Variants in PFKFB3 observed in about 807,000 individuals in gnomAD.
PFKFB3 encodes 6-phosphofructo-2-kinase/fructose-2,6-bisphosphatase 3.
In PFKFB3, 33 loss-of-function variants were observed where a neutral mutation model predicts 68.0. That is an observed-to-expected ratio of 0.49 (90% CI 0.37 to 0.65). PFKFB3 has a LOEUF of 0.65. Ranked by LOEUF, PFKFB3 falls within the 30% of genes least tolerant of loss-of-function variation. The pLI is 0.00. For synonymous variants in PFKFB3, 315 were observed against 288.2 expected (o/e 1.09, Z -0.94); for missense variants, 586 against 712.2 (o/e 0.82, Z 2.02).
chr10:6,192,562 G>A (rs1717341702), intron 1 of PFKFB3, among the ~76,000 whole-genome samples: 1 of 152,072 alleles, frequency 6.6e-6, no homozygotes, highest in African/African-American at 2.4e-5. Flanking sequence ...ACCCGGGCAT[G>A]CTTCCCATAC....
At chr10:6,296,345 C>T in the PFKFB3 span, among the ~76,000 whole-genome samples, 2 of 151,930 alleles carry the variant, frequency 1.3e-5, no homozygotes, top group African/African-American at 4.8e-5. Context: ...ACTCTCAGAC[C>T]TAGTTTAGAG....
chr10:6,229,949 CCTG>C lies in PFKFB3; in HGVS notation c.1516-2942_1516-2940del, dbSNP rs1845628756. On this transcript the variant is annotated intron_variant, in intron 14 of 14. Transcript: ENST00000379775. This position sits in a 1 kb window ranked among gnomAD's most constrained non-coding sequence, Gnocchi z 4.3. The stretch of plus-strand genomic sequence containing the variant: ...ATGTTGGCCCACCCACCACCCACCT[CCTG>C]CTGTGTGGCCCGCCTCTCAGTGGGC... 1.3e-5 allele frequency among the ~76,000 whole-genome samples: 2 copies of C among 152,092 alleles called. No individual in the cohort carries two copies.
intron 1 of PFKFB3, among the ~76,000 whole-genome samples, chr10:6,192,018 TA>T (rs954700513): frequency 7.9e-5 from 6 of 76,220 alleles, no homozygotes; most frequent in Non-Finnish European, 1.7e-4. Context: ...CCTAGATGAG[TA>T]TTTTTTTTAA....
At chr10:6,155,503 C>T (rs1451576731) in intron 1 of PFKFB3, among the ~76,000 whole-genome samples, 2 of 152,144 alleles carry the variant, frequency 1.3e-5, no homozygotes, top group Admixed American at 6.5e-5. Flanking sequence ...CGCACCTGGC[C>T]GAGTTTTTTC....
At chr10:6,171,556 C>T (rs76971698) in intron 1 of PFKFB3, among the ~76,000 whole-genome samples, 1,653 of 152,094 alleles carry the variant, frequency 0.011, 70 homozygotes, top group East Asian at 0.1. Flanking sequence ...CTGCCACACT[C>T]GGCTAATTTT....
chr10:6,293,493 G>GC, the PFKFB3 span: 2 of 214,000 alleles, frequency 9.3e-6, no homozygotes, highest in South Asian at 1.4e-4. Flanking sequence ...TTATAGGTGT[G>GC]CACCACCATG....
At chr10:6,193,513 G>A (rs189317055) in intron 1 of PFKFB3, among the ~76,000 whole-genome samples, 108 of 152,324 alleles carry the variant, frequency 7.1e-4, no homozygotes, top group African/African-American at 1.9e-3. Context: ...ATGAACAGCT[G>A]TCCCTGTTTC....
the PFKFB3 span, among the ~76,000 whole-genome samples, chr10:6,308,102 G>T: frequency 5.3e-5 from 8 of 152,214 alleles, no homozygotes; most frequent in South Asian, 2.1e-4. Flanking sequence ...CCATTTTTGC[G>T]GTATTCTGTT....
chr10:6,238,620 G>A (rs1262421482), downstream of PFKFB3, among the ~76,000 whole-genome samples: 1 of 151,136 alleles, frequency 6.6e-6, no homozygotes, highest in African/African-American at 2.4e-5. Flanking sequence ...TGTTAAATAG[G>A]TAAACTTGTG....
Position 6,162,727 on chromosome 10 carries a change from C to T in PFKFB3, c.16+17714C>T, listed in dbSNP as rs113719569. 3.9e-5 allele frequency among the ~76,000 whole-genome samples: 6 copies of T among 152,326 alleles called. 1 individual carries two copies. The highest frequency in any genetic ancestry group is 1.4e-4 in the African/African-American group (6 of 41,582). Reference sequence around the variant, plus strand: ...TTGGGTGAGAACCCTTTCAGGCTGGCTGCTGTGTCCTTGACACGCCCCCTT... The same window carrying T: ...TTGGGTGAGAACCCTTTCAGGCTGGTTGCTGTGTCCTTGACACGCCCCCTT... On this transcript the variant is annotated intron_variant, in intron 1 of 14. Coordinates refer to the PFKFB3 transcript ENST00000379789.
chr10:6,271,389 G>T, the PFKFB3 span, among the ~76,000 whole-genome samples: 7 of 152,246 alleles, frequency 4.6e-5, no homozygotes. Context: ...CTGCCTCCTG[G>T]GGGTGTGGGA....
the PFKFB3 span, among the ~76,000 whole-genome samples, chr10:6,267,329 A>G: frequency 3.3e-5 from 5 of 152,370 alleles, no homozygotes; most frequent in Admixed American, 3.3e-4. Flanking sequence ...GGACGTACGT[A>G]CTAATGAGTG....
At chr10:6,190,949 T>G (rs1377272197) in intron 1 of PFKFB3, among the ~76,000 whole-genome samples, 2 of 152,104 alleles carry the variant, frequency 1.3e-5, no homozygotes, top group Admixed American at 6.6e-5. Context: ...CAGCTAATTT[T>G]TGTAGTTTTT....
chr10:6,238,889 G>A (rs1282408934), downstream of PFKFB3, among the ~76,000 whole-genome samples: 4 of 152,288 alleles, frequency 2.6e-5, no homozygotes, highest in African/African-American at 9.6e-5. Context: ...TCCCTGCAAA[G>A]GATAGGATCT....
chr10:6,174,917 G>A (rs1485672326), intron 1 of PFKFB3, among the ~76,000 whole-genome samples: 1 of 151,882 alleles, frequency 6.6e-6, no homozygotes, highest in African/African-American at 2.4e-5. Flanking sequence ...CCAGGTTCAA[G>A]GGGTTCTCCT....
chr10:6,210,449 C>T (rs1385930571), intron 1 of PFKFB3, among the ~76,000 whole-genome samples: 1 of 111,694 alleles, frequency 9.0e-6, no homozygotes, highest in Non-Finnish European at 2.2e-5. Flanking sequence ...CAAGCTCCGC[C>T]TCCCGGGTTC....
downstream of PFKFB3, among the ~76,000 whole-genome samples, chr10:6,238,775 T>G (rs553018543): frequency 3.3e-5 from 5 of 152,296 alleles, no homozygotes; most frequent in African/African-American, 7.2e-5. Flanking sequence ...TGTGTCCATG[T>G]GTTCTCATTA....
upstream of PFKFB3, among the ~76,000 whole-genome samples, chr10:6,200,825 T>G (rs905208333): frequency 6.6e-5 from 10 of 152,176 alleles, no homozygotes; most frequent in African/African-American, 2.4e-4. Flanking sequence ...TCTGCGAAAG[T>G]TCAGCTGGAC....
chr10:6,275,644 A>G, the PFKFB3 span, among the ~76,000 whole-genome samples: 2 of 152,056 alleles, frequency 1.3e-5, no homozygotes, highest in African/African-American at 2.4e-5. The surrounding 1 kb of genome is among the most constrained non-coding windows in gnomAD (Gnocchi z 4.9). Context: ...TTTTTTTGAG[A>G]TGGAGTCACG....
Sources: gnomAD v4.1 joint callset for allele counts (sites outside exome capture counted in the v4.1 genomes callset) on GRCh38, gnomAD v4.1.1 for gene constraint, Gnocchi (gnomAD v3.1) non-coding constraint, MANE v1.5 for transcripts, NCBI Gene and HGNC (gene_info 2026-07-23, HGNC 2026-07-21) for gene names.